TSGA10: variants seen among roughly 807,000 people sequenced by gnomAD.
The protein encoded by TSGA10 is testis specific 10.
TSGA10 carries 43 observed loss-of-function variants against 96.6 expected under a neutral mutation model. The observed-to-expected ratio is 0.44, with a 90% CI of 0.35 to 0.57. The LOEUF (loss-of-function observed/expected upper bound fraction) is 0.57, where lower values mean the gene tolerates loss of function less well. Among genes scored for constraint, TSGA10 ranks in the 20% least tolerant of loss-of-function variants. The pLI, the probability that TSGA10 is intolerant of heterozygous loss-of-function variation, is 0.01. For synonymous variants in TSGA10, 229 were observed against 269.9 expected, an observed-to-expected ratio of 0.85 and a Z score of 1.48; for missense variants, 703 against 834.4, an observed-to-expected ratio of 0.84 and a Z score of 1.94.
chr2:99,062,984 G>A (rs2084866529), intron 16 of TSGA10, among the ~76,000 whole-genome samples: 1 of 152,174 alleles, frequency 6.6e-6, no homozygotes, highest in East Asian at 1.9e-4. Context: ...TAATTTGAGG[G>A]AACATTAATT....
intron 1 of TSGA10, among the ~76,000 whole-genome samples, chr2:99,152,434 T>G (rs1208542892): frequency 6.6e-6 from 1 of 152,172 alleles, no homozygotes; most frequent in Non-Finnish European, 1.5e-5. Context: ...TACAGGCATG[T>G]GCCACCATAC....
intron 1 of TSGA10, among the ~76,000 whole-genome samples, chr2:99,144,312 C>T (rs1574755445): frequency 6.6e-6 from 1 of 152,128 alleles, no homozygotes; most frequent in South Asian, 2.1e-4. Context: ...TGAGCCACCG[C>T]GCCCGGCCTG....
chr2:99,102,778 G>T (rs2090920489), intron 10 of TSGA10: 1 of 1,550,796 alleles, frequency 6.4e-7, no homozygotes, highest in South Asian at 1.1e-5. Context: ...TACTGGTTTG[G>T]GAGTTGTGTA....
intron 20 of TSGA10, among the ~76,000 whole-genome samples, chr2:99,011,982 C>T (rs996609522): frequency 6.6e-6 from 1 of 152,120 alleles, no homozygotes; most frequent in African/African-American, 2.4e-5. Context: ...CACATTAACA[C>T]CAGATTTCTC....
In TSGA10 at chr2:99,068,942, C is replaced by T; in HGVS notation, c.1164G>A (p.Lys388=). The change falls in exon 15 of 21, where the codon AAG becomes AAA. Residue 388 remains lysine, a synonymous_variant. Coordinates refer to ENST00000393483, the MANE Select transcript of TSGA10 (RefSeq NM_025244.4). ...TAACCTCCAAATTAGTATCTTGAAC[C>T]TTCTGTTTTATGTCATTAAGTTCAT... The part of the protein sequence containing the change: ...THNELNDIKQ[K]VQDTNLEVNK... 6.8e-7 allele frequency: 1 copy of T among 1,473,122 alleles called. No individual in the cohort carries two copies. The highest frequency in any genetic ancestry group is 9.0e-7 in the Non-Finnish European group (1 of 1,116,962). The allele number at this position is 1,473,122 out of a possible 1,614,324, so 91.3% of individuals were successfully genotyped here. A position where few individuals can be genotyped will look rare whatever the true frequency, so the allele number is the denominator to read the frequency against.
chr2:99,123,226 T>C (rs1350663877), intron 2 of TSGA10, among the ~76,000 whole-genome samples: 2 of 152,220 alleles, frequency 1.3e-5, no homozygotes, highest in East Asian at 3.8e-4. Context: ...GGGTGACTCC[T>C]GTTAGGTATT....
At chr2:99,068,631 T>C (rs748871445) in intron 15 of TSGA10, among the ~76,000 whole-genome samples, 2 of 152,140 alleles carry the variant, frequency 1.3e-5, no homozygotes, top group Non-Finnish European at 2.9e-5. Flanking sequence ...GTCAAATTGA[T>C]TTTAGCCCTT....
chr2:99,113,526 C>G (rs2091988601), intron 4 of TSGA10, among the ~76,000 whole-genome samples: 1 of 152,156 alleles, frequency 6.6e-6, no homozygotes, highest in Non-Finnish European at 1.5e-5. Context: ...GCAGTCAAGC[C>G]ATGACTGTGG....
At chr2:99,012,716 G>C (rs565148313) in intron 20 of TSGA10, among the ~76,000 whole-genome samples, 34 of 152,130 alleles carry the variant, frequency 2.2e-4, no homozygotes, top group Admixed American at 1.3e-3. Context: ...GAGATGCACA[G>C]CAACACAATA....
At position 99,147,303 on chromosome 2, in the gene TSGA10, G is replaced by A. The variant is rs193266567; in HGVS notation, c.-621+7390C>T. ...GGCGTGAGCCATTGTGCCCAGCCGC[G>A]TAGCCTATCTTAATATCTAGTAAAG... On this transcript the variant is annotated intron_variant, in intron 1 of 20. Transcript: ENST00000393483. 2.2e-4 allele frequency: 138 copies of A among 638,684 alleles called. No homozygotes were observed. The African/African-American group carries it at 2.2e-3, about 10-fold the overall frequency. The allele number at this position is 638,684 out of a possible 1,614,324, so 39.6% of individuals were successfully genotyped here.
rs538067299 is a variant in TSGA10, at chr2:99,018,239, T to C, written c.2033A>G (p.His678Arg). The change falls in exon 20 of 21, where the codon CAT becomes CGT. Residue 678 changes from histidine to arginine, a missense_variant. Transcript: ENST00000393483. Reference protein sequence around the residue: ...TKCHSPERAHHRSPDRGLDRS... With the variant: ...TKCHSPERAHRRSPDRGLDRS... The stretch of plus-strand genomic sequence containing the variant: ...ATCTAGGCCTCGGTCAGGAGATCGA[T>C]GGTGAGCACGTTCTGGTGAATGACA... The C allele has an allele frequency of 1.8e-4, 290 of 1,613,984 alleles. No individual in the cohort carries two copies. Among genetic ancestry groups the C allele is most frequent in the East Asian group, 6.7e-4 (30 of 44,882 alleles).
chr2:99,079,467 T>C (rs1373871834), intron 11 of TSGA10, among the ~76,000 whole-genome samples: 1 of 152,154 alleles, frequency 6.6e-6, no homozygotes, highest in African/African-American at 2.4e-5. Flanking sequence ...ACCTGGGAAA[T>C]GTACATTCTT....
chr2:99,129,020 C>T (rs1171568084), intron 1 of TSGA10, among the ~76,000 whole-genome samples: 4 of 152,176 alleles, frequency 2.6e-5, no homozygotes, highest in African/African-American at 9.7e-5. Context: ...GGATTACAGG[C>T]ATGAGCCACT....
In TSGA10 at chr2:99,040,229, C is replaced by G. The variant is rs141606552; in HGVS notation, c.1405-4790G>C. ...AGAACAAGACAAGAATGCCCACTTT[C>G]ACTACTTCTATTCAACATAGTACTG... On this transcript the variant is annotated intron_variant, in intron 16 of 20. Transcript: ENST00000393483. Among the ~76,000 whole-genome samples the G allele has an allele frequency of 9.6e-3, 1,463 of 152,248 alleles. 12 individuals carry two copies. The highest frequency in any genetic ancestry group is 0.02 in the Middle Eastern group (6 of 294).
chr2:99,043,332 T>A (rs1250535250), intron 16 of TSGA10, among the ~76,000 whole-genome samples: 1 of 152,056 alleles, frequency 6.6e-6, no homozygotes, highest in Non-Finnish European at 1.5e-5. Context: ...ATGAAGATTA[T>A]GCAATTTGAT....
chr2:99,074,072 G>A (rs1208846155), intron 12 of TSGA10, among the ~76,000 whole-genome samples: 1 of 141,936 alleles, frequency 7.0e-6, no homozygotes, highest in South Asian at 2.2e-4. Context: ...GAGTGCGAGG[G>A]CGCGATCTCG....
chr2:99,090,304 C>G (rs935610136), intron 10 of TSGA10, among the ~76,000 whole-genome samples: 1 of 152,136 alleles, frequency 6.6e-6, no homozygotes, highest in African/African-American at 2.4e-5. Flanking sequence ...ACATAGCCTA[C>G]CCAAATGAGA....
At chr2:99,076,820 C>T (rs1161767524) in intron 12 of TSGA10, among the ~76,000 whole-genome samples, 2 of 152,118 alleles carry the variant, frequency 1.3e-5, no homozygotes. Flanking sequence ...CTTTCCCTGA[C>T]TACTATCTAG....
At chr2:99,049,740 GAA>G (rs57254972) in intron 16 of TSGA10, among the ~76,000 whole-genome samples, 2 of 145,660 alleles carry the variant, frequency 1.4e-5, no homozygotes, top group East Asian at 4.1e-4. Flanking sequence ...TTAAAAAAAA[GAA>G]AAAAAAAAAG....
Sources: allele counts gnomAD v4.1 joint callset (sites outside exome capture counted in the v4.1 genomes callset), GRCh38; gene constraint gnomAD v4.1.1; transcripts MANE v1.5; gene names NCBI Gene and HGNC (gene_info 2026-07-23, HGNC 2026-07-21).